NUP205: variants seen among roughly 807,000 people sequenced by gnomAD.
The protein encoded by NUP205 is nuclear pore complex protein Nup205.
Under a neutral mutation model 253.8 loss-of-function variants are expected in NUP205, and 76 were observed. The ratio of observed to expected loss-of-function variants is 0.30; its 90% CI spans 0.25 to 0.36. The LOEUF is 0.36. NUP205 is among the 10% of genes least tolerant of loss of function. The pLI is 1.00. For synonymous variants in NUP205, 832 were observed against 850.1 expected (o/e 0.98, Z 0.37); for missense variants, 2,162 against 2,425.5 (o/e 0.89, Z 2.28).
At chr7:135,604,108 T>A (rs897979727) in intron 18 of NUP205, among the ~76,000 whole-genome samples, 7 of 152,202 alleles carry the variant, frequency 4.6e-5, no homozygotes, top group Non-Finnish European at 7.3e-5. Flanking sequence ...ACAAAGACCC[T>A]ACTTTCAGAT....
At chr7:135,643,426 A>T in intron 39 of NUP205, 68 bp downstream of exon 39, 2 of 1,033,296 alleles carry the variant, frequency 1.9e-6, no homozygotes, top group Non-Finnish European at 2.7e-6. Flanking sequence ...GGGTACTCAG[A>T]CTGAGTAAAG....
rs1395191566 is a variant in NUP205, at chr7:135,587,942, A to G, written c.1423A>G (p.Ile475Val). Residue 475 changes from isoleucine to valine, a missense_variant, in exon 10 of 43, where the codon ATC (isoleucine) becomes GTC (valine). Ile to Val is a conservative substitution (Grantham distance 29). This residue lies in a region of NUP205 where 892 missense variants were observed against 957.1 expected (regional missense o/e 0.93). Transcript: ENST00000285968. Reference protein sequence around the residue: ...CPTEPLQTPTIMGSYLGVAHQ... With the variant: ...CPTEPLQTPTVMGSYLGVAHQ... ...CACAGAGCCTCTTCAGACTCCGACT[A>G]TCATGGGCTCTTATCTAGGGGTGGC... 13 of 1,613,896 alleles carry G rather than the reference A, an allele frequency of 8.1e-6. No homozygotes were observed. The highest frequency in any genetic ancestry group is 5.3e-5 in the African/African-American group (4 of 74,900).
intron 18 of NUP205, 75 bp downstream of exon 18, chr7:135,603,069 G>T: frequency 1.9e-6 from 2 of 1,050,614 alleles, no homozygotes; most frequent in Non-Finnish European, 2.7e-6. Context: ...ATCTGGTTAG[G>T]TATCTAGTGC....
At chr7:135,605,383 A>T (rs1483776089) in intron 19 of NUP205, among the ~76,000 whole-genome samples, 2 of 152,186 alleles carry the variant, frequency 1.3e-5, no homozygotes, top group Admixed American at 1.3e-4. Context: ...TTCTTCTGGC[A>T]TGTTGGATGG....
chr7:135,567,213 G>C (rs1421274231), intron 1 of NUP205, among the ~76,000 whole-genome samples: 4 of 128,422 alleles, frequency 3.1e-5, no homozygotes, highest in African/African-American at 1.2e-4. Flanking sequence ...ATATTTGATA[G>C]TGAATGAAAG....
At chr7:135,563,645 T>A (rs977020935) in intron 1 of NUP205, among the ~76,000 whole-genome samples, 1 of 152,134 alleles carries the variant, frequency 6.6e-6, no homozygotes, top group African/African-American at 2.4e-5. Context: ...CTGACTAAAC[T>A]ACATGGTAAA....
At chr7:135,638,870 T>C (rs1563139782) in intron 38 of NUP205, among the ~76,000 whole-genome samples, 187 bp downstream of exon 38, 1 of 152,266 alleles carries the variant, frequency 6.6e-6, no homozygotes, top group East Asian at 1.9e-4. Context: ...CTGGAGAGAA[T>C]AGAGAAATTC....
chr7:135,593,522 G>A (rs1793749516), intron 12 of NUP205, among the ~76,000 whole-genome samples: 1 of 152,112 alleles, frequency 6.6e-6, no homozygotes, highest in Non-Finnish European at 1.5e-5. Flanking sequence ...ATTTATATGT[G>A]TGTATGCATA....
At chr7:135,567,120 CTATGTGTGTATATATA>C (rs1206020795) in intron 1 of NUP205, among the ~76,000 whole-genome samples, 2,444 of 53,626 alleles carry the variant, frequency 0.046, 293 homozygotes, top group South Asian at 0.065. Flanking sequence ...CTTGCTCAGT[CTATGTGTGTATATATA>C]TATATATATA....
chr7:135,647,300 A>T (rs1457174687), intron 42 of NUP205, among the ~76,000 whole-genome samples: 1 of 152,200 alleles, frequency 6.6e-6, no homozygotes, highest in East Asian at 1.9e-4. Context: ...TATTTTTCTT[A>T]AAACAAGGTT....
chr7:135,584,386 T>C (rs1472014702), intron 7 of NUP205, among the ~76,000 whole-genome samples: 1 of 152,246 alleles, frequency 6.6e-6, no homozygotes, highest in Non-Finnish European at 1.5e-5. Flanking sequence ...TTTTAAATTT[T>C]AGCTACTTGG....
intron 30 of NUP205, among the ~76,000 whole-genome samples, chr7:135,622,153 G>A (rs548867127): frequency 1.1e-4 from 16 of 151,644 alleles, no homozygotes; most frequent in African/African-American, 3.1e-4. Context: ...GGCTGGGCAC[G>A]GTGGCTCACA....
At chr7:135,642,835 TGTG>T (rs1794937996) in intron 38 of NUP205, among the ~76,000 whole-genome samples, 1 of 128,216 alleles carries the variant, frequency 7.8e-6, no homozygotes, top group Non-Finnish European at 1.7e-5. Flanking sequence ...TTGTTTTTGA[TGTG>T]GAGGGGTGTG....
Position 135,594,601 on chromosome 7 carries a change from G to A in NUP205, c.1885G>A (p.Val629Met), listed in dbSNP as rs1793783486. ...CEHPQWTPVV[V>M]ILGLLQCSIP... ...ACACCCTCAGTGGACCCCTGTTGTG[G>A]TGATTCTGGGACTCCTCCAATGCAG... Residue 629 changes from valine (V) to methionine (M), a missense_variant, in exon 13 of 43, where the codon GTG (valine) becomes ATG (methionine). Physicochemically the swap from Val to Met is conservative, Grantham distance 21. This residue lies in a region of NUP205 where 892 missense variants were observed against 957.1 expected (regional missense o/e 0.93). Coordinates refer to ENST00000285968, the MANE Select transcript of NUP205 (RefSeq NM_015135.3). The A allele has an allele frequency of 3.7e-6, 6 of 1,613,402 alleles. No individual in the cohort carries two copies. Among genetic ancestry groups the A allele is most frequent in the Non-Finnish European group, 5.1e-6 (6 of 1,179,714 alleles).
chr7:135,624,003 C>G (rs1052886992), intron 31 of NUP205, among the ~76,000 whole-genome samples: 1 of 152,018 alleles, frequency 6.6e-6, no homozygotes, highest in Admixed American at 6.5e-5. Context: ...AGGATGGTCT[C>G]GATCTCCTGA....
intron 21 of NUP205, 96 bp from the exon 22 acceptor site, chr7:135,607,151 C>T: frequency 7.0e-6 from 10 of 1,432,768 alleles, no homozygotes; most frequent in Non-Finnish European, 9.6e-6. Context: ...TACAGTACAG[C>T]ATATATTTAA....
chr7:135,648,280 A>G lies in NUP205; in HGVS notation c.5887-124A>G, dbSNP rs60179239. ...ATTTAGTAACACATTACAAAAATTC[A>G]AAAGTATTTACATTGAAAGAACCAC... On this transcript the variant is annotated intron_variant, in intron 42 of 42. Coordinates refer to ENST00000285968, the MANE Select transcript of NUP205 (RefSeq NM_015135.3). The G allele has an allele frequency of 0.21, 162,762 of 793,072 alleles. 17,202 individuals are homozygous for G. Among genetic ancestry groups the G allele is most frequent in the East Asian group, 0.32 (9,537 of 30,004 alleles). The allele number at this position is 793,072 out of a possible 1,614,324, so 49.1% of individuals were successfully genotyped here.
At position 135,617,086 on chromosome 7, in the gene NUP205, C is replaced by G. The variant is rs763399273; in HGVS notation, c.3533-4C>G. 13 of 1,601,766 alleles carry G rather than the reference C, an allele frequency of 8.1e-6. No homozygotes were observed. Among genetic ancestry groups the G allele is most frequent in the Non-Finnish European group, 1.1e-5 (13 of 1,173,664 alleles). On this transcript the variant is annotated splice_region_variant and splice_polypyrimidine_tract_variant and intron_variant, in intron 25 of 42. Coordinates refer to ENST00000285968, the MANE Select transcript of NUP205 (RefSeq NM_015135.3). Reference sequence around the variant, plus strand: ...AAAATCAAATTACTTTTTATTATTTCTAGTACGTCGAAAAATTCTAAATAT... The same window carrying G: ...AAAATCAAATTACTTTTTATTATTTGTAGTACGTCGAAAAATTCTAAATAT...
intron 17 of NUP205, among the ~76,000 whole-genome samples, chr7:135,602,516 A>G (rs1206313365): frequency 6.6e-6 from 1 of 152,244 alleles, no homozygotes; most frequent in Non-Finnish European, 1.5e-5. Context: ...GTTGCTCTAA[A>G]CAATAAGGGA....
Sources: allele counts gnomAD v4.1 joint callset (sites outside exome capture counted in the v4.1 genomes callset), GRCh38; gene constraint gnomAD v4.1.1; regional missense constraint gnomAD v4.1.1; transcripts MANE v1.5; gene names NCBI Gene and HGNC (gene_info 2026-07-23, HGNC 2026-07-21).